BTBD7: variants seen among roughly 807,000 people sequenced by gnomAD.
BTBD7 encodes BTB/POZ domain-containing protein 7.
In BTBD7, 38 loss-of-function variants were observed where a neutral mutation model predicts 99.9. The observed-to-expected ratio is 0.38, with a 90% CI of 0.29 to 0.50. The LOEUF (loss-of-function observed/expected upper bound fraction) is 0.50, where lower values mean the gene tolerates loss of function less well. Among genes scored for constraint, BTBD7 ranks in the 20% least tolerant of loss-of-function variants. BTBD7 has a pLI of 0.93. For missense variants in BTBD7, 1,170 were observed against 1,394.6 expected, an observed-to-expected ratio of 0.84 and a Z score of 2.57; for synonymous variants, 520 against 511.4, an observed-to-expected ratio of 1.02 and a Z score of -0.23.
intron 1 of BTBD7, among the ~76,000 whole-genome samples, chr14:93,310,768 A>C (rs200306743): frequency 0.017 from 2,470 of 145,514 alleles, 47 homozygotes; most frequent in South Asian, 0.067. Context: ...AAAACCAAAA[A>C]ACTTTTTTTT....
In BTBD7 at chr14:93,253,761, T is replaced by C. The variant is rs1445687439; in HGVS notation, c.1638A>G (p.Pro546=). 3.7e-6 allele frequency: 6 copies of C among 1,610,858 alleles called. No individual in the cohort carries two copies. In the South Asian group the frequency reaches 5.5e-5, roughly 15 times the overall value. ...CTTCTGTTGTAGGAAGCATATCTGATGGAGGAGTACTAATCAAGCCTCTTT... is the reference window on the plus strand; with the variant it reads ...CTTCTGTTGTAGGAAGCATATCTGACGGAGGAGTACTAATCAAGCCTCTTT... ...AMKRGLISTP[P]SDMLPTTEGG... The change falls in exon 7 of 11, where the codon CCA becomes CCG. Residue 546 remains proline (P), a synonymous_variant. Coordinates refer to ENST00000334746, the MANE Select transcript of BTBD7 (RefSeq NM_001002860.4).
At position 93,251,550 on chromosome 14, in the gene BTBD7, C is replaced by T. The variant is rs374714816; in HGVS notation, c.1855G>A (p.Val619Met). The change falls in exon 8 of 11, where the codon GTG becomes ATG. Residue 619 changes from valine (V) to methionine (M), a missense_variant. Coordinates refer to ENST00000334746, the MANE Select transcript of BTBD7 (RefSeq NM_001002860.4). ...PDTLYMVNNA[V>M]PQCCHMISHQ... is the part of the protein sequence containing the mutation. ...CTGATCATGTGACAACACTGTGGCA[C>T]GGCATTATTGACCATGTAGAGCGTG... is the stretch of plus-strand genomic sequence containing the variant. The T allele has an allele frequency of 2.0e-5, 33 of 1,613,862 alleles. No homozygotes were observed. Among genetic ancestry groups the T allele is most frequent in the African/African-American group, 2.7e-5 (2 of 74,910 alleles).
chr14:93,269,290 GT>G (rs1430660313), intron 3 of BTBD7, among the ~76,000 whole-genome samples: 1 of 152,164 alleles, frequency 6.6e-6, no homozygotes, highest in Non-Finnish European at 1.5e-5. Flanking sequence ...ATACAACTTT[GT>G]CAAGGTTATC....
intron 3 of BTBD7, among the ~76,000 whole-genome samples, chr14:93,287,091 T>C (rs1243851500): frequency 6.6e-6 from 1 of 151,996 alleles, no homozygotes; most frequent in African/African-American, 2.4e-5. Context: ...TAGCCGGGCA[T>C]GGTGGCAGGC....
At chr14:93,253,876 AAAAATATGCAAAC>A in intron 6 of BTBD7, 86 bp from the exon 7 acceptor site, 3 of 572,982 alleles carry the variant, frequency 5.2e-6, no homozygotes, top group African/African-American at 1.9e-5. Flanking sequence ...AACTATAAAT[AAAAATATGCAAAC>A]TTTATCATTT....
chr14:93,246,338 A>C (rs756153382), intron 9 of BTBD7, 52 bp from the exon 10 acceptor site: 13 of 1,465,142 alleles, frequency 8.9e-6, no homozygotes, highest in Non-Finnish European at 1.2e-5. Flanking sequence ...AGATTTCATA[A>C]GTGGAAATTT....
chr14:93,243,200 G>GTTTT, intron 10 of BTBD7, 112 bp from the exon 11 acceptor site: 1 of 839,020 alleles, frequency 1.2e-6, no homozygotes, highest in Non-Finnish European at 1.7e-6. Context: ...TTCTGTTTTT[G>GTTTT]TTTTTTTTTT....
rs961842817 is a variant in BTBD7, at chr14:93,242,555, A to G, written c.3117T>C (p.Phe1039=). ...VVEQPPQRSD[F]PLAAPENAST... is the part of the protein sequence containing the mutation. ...TAGCATTTTCTGGGGCTGCCAAAGG[A>G]AAGTCTGACCGCTGGGGAGGTTGCT... Residue 1039 remains phenylalanine, a synonymous_variant, in exon 11 of 11, where the codon TTT becomes TTC. Transcript: ENST00000334746. The G allele has an allele frequency of 5.6e-6, 9 of 1,614,062 alleles. No homozygotes were observed. The African/African-American group carries it at 8.0e-5, about 14-fold the overall frequency.
intron 3 of BTBD7, among the ~76,000 whole-genome samples, chr14:93,289,807 T>TAAAACAC (rs1252912448): frequency 6.7e-5 from 10 of 149,450 alleles, no homozygotes; most frequent in Admixed American, 6.0e-4. Flanking sequence ...CCTACTGATA[T>TAAAACAC]AAAACACATT....
intron 1 of BTBD7, among the ~76,000 whole-genome samples, chr14:93,300,702 ATTTGTGTG>A (rs1020632332): frequency 1.8e-4 from 19 of 107,560 alleles, no homozygotes; most frequent in South Asian, 3.4e-4. Context: ...TGCCCAGCTA[ATTTGTGTG>A]TGTGTGTGTG....
intron 3 of BTBD7, among the ~76,000 whole-genome samples, chr14:93,271,388 G>A (rs2052599447): frequency 6.6e-6 from 1 of 152,070 alleles, no homozygotes; most frequent in Non-Finnish European, 1.5e-5. Context: ...AGGCAAGGGG[G>A]AAAGGAAAAA....
intron 3 of BTBD7, among the ~76,000 whole-genome samples, chr14:93,282,940 A>G (rs2052737871): frequency 6.6e-6 from 1 of 152,234 alleles, no homozygotes; most frequent in Non-Finnish European, 1.5e-5. Context: ...ATATCTCAGT[A>G]ATTCAAGACA....
chr14:93,310,770 C>CTTTTTT (rs56756515), intron 1 of BTBD7, among the ~76,000 whole-genome samples: 5 of 116,664 alleles, frequency 4.3e-5, no homozygotes, highest in Admixed American at 8.9e-5. Context: ...AACCAAAAAA[C>CTTTTTT]TTTTTTTTTT....
chr14:93,252,612 T>G (rs1216600948), intron 7 of BTBD7, among the ~76,000 whole-genome samples: 1 of 151,780 alleles, frequency 6.6e-6, no homozygotes, highest in Non-Finnish European at 1.5e-5. Flanking sequence ...TGGACTCAAG[T>G]GATCTTCCTG....
At chr14:93,328,947 A>G (rs1215562020) in intron 1 of BTBD7, among the ~76,000 whole-genome samples, 1 of 152,174 alleles carries the variant, frequency 6.6e-6, no homozygotes, top group Non-Finnish European at 1.5e-5. Flanking sequence ...CATAGGGGAA[A>G]AGCTTCCTGA....
chr14:93,240,033 A>G lies in BTBD7; in HGVS notation c.*2240T>C, dbSNP rs1406497581. 7.7e-6 allele frequency: 1 copy of G among 130,594 alleles called. No homozygotes were observed. Among genetic ancestry groups the G allele is most frequent in the Non-Finnish European group, 1.8e-5 (1 of 56,100 alleles). 8.1% of individuals were successfully genotyped at this position (130,594 alleles called of 1,614,324 possible). A position where few individuals can be genotyped will look rare whatever the true frequency, so the allele number is the denominator to read the frequency against. ...TGACGGCATTCACTTTTGTTTCTGA[A>G]GACAGACAGAGACTGGGCTTCAAAA... On this transcript the variant is annotated 3_prime_UTR_variant, in exon 11 of 11. Transcript: ENST00000334746.
chr14:93,267,530 A>G (rs1410864286), intron 3 of BTBD7, among the ~76,000 whole-genome samples: 1 of 152,168 alleles, frequency 6.6e-6, no homozygotes, highest in Admixed American at 6.5e-5. Context: ...CACTTGCCCC[A>G]CGGCCTTCAC....
Position 93,251,460 on chromosome 14 carries a change from T to C in BTBD7, c.1942+3A>G. ...AATATAAACACCCAACATACTGCCT[T>C]ACCTGGAATTTCGTTGGCTACAACT... On this transcript the variant is annotated splice_donor_region_variant and intron_variant, in intron 8 of 10. Coordinates refer to ENST00000334746, the MANE Select transcript of BTBD7 (RefSeq NM_001002860.4). 6.3e-7 allele frequency: 1 copy of C among 1,588,614 alleles called. No individual in the cohort carries two copies. Among genetic ancestry groups the C allele is most frequent in the Non-Finnish European group, 8.6e-7 (1 of 1,162,098 alleles).
chr14:93,242,940 T>C lies in BTBD7; in HGVS notation c.2732A>G (p.His911Arg). 1 of 1,614,146 alleles carries C rather than the reference T, an allele frequency of 6.2e-7. No individual in the cohort carries two copies. Among genetic ancestry groups the C allele is most frequent in the Non-Finnish European group, 8.5e-7 (1 of 1,180,020 alleles). Residue 911 changes from histidine (H) to arginine (R), a missense_variant, in exon 11 of 11, where the codon CAT (histidine) becomes CGT (arginine). Around this residue, in one of 4 missense-constraint regions of BTBD7, gnomAD observed 495 missense variants for 525.9 expected, o/e 0.94. Transcript: ENST00000334746. Reference sequence around the variant, plus strand: ...ATGTCTCTGTGGAATACACGACAGATGCTGGGGAGGCCCTGGTCCTGCTTC... The same window carrying C: ...ATGTCTCTGTGGAATACACGACAGACGCTGGGGAGGCCCTGGTCCTGCTTC... Reference protein sequence around the residue: ...VSEAGPGPPQHLSCIPQRHTH... With the variant: ...VSEAGPGPPQRLSCIPQRHTH...
Sources: gnomAD v4.1 joint callset for allele counts (sites outside exome capture counted in the v4.1 genomes callset) on GRCh38, gnomAD v4.1.1 for gene constraint, gnomAD v4.1.1 regional missense constraint, MANE v1.5 for transcripts, NCBI Gene and HGNC (gene_info 2026-07-23, HGNC 2026-07-21) for gene names.